The following ZNF469 variants were observed in gnomAD, a reference collection of about 807,000 sequenced individuals.
ZNF469 encodes the protein zinc finger protein 469.
In ZNF469, 1 loss-of-function variant was observed where a neutral mutation model predicts 1.0. The ratio of observed to expected loss-of-function variants is 1.00; its 90% CI spans 0.35 to 4.73. ZNF469 has a LOEUF of 4.73. ZNF469 is among the 30% of genes most tolerant of loss of function. The pLI is 0.16. For synonymous variants in ZNF469, 2,703 were observed against 2,363.4 expected (o/e 1.14, Z -4.17); for missense variants, 6,100 against 5,356.3 (o/e 1.14, Z -4.33).
the ZNF469 span, among the ~76,000 whole-genome samples, chr16:88,233,801 C>T: frequency 5.3e-4 from 80 of 152,368 alleles, no homozygotes; most frequent in African/African-American, 1.9e-3. Context: ...CCATGAGTGC[C>T]TCCTGTGCGC....
the ZNF469 span, chr16:88,179,024 C>T: frequency 6.6e-6 from 1 of 152,304 alleles, no homozygotes; most frequent in Non-Finnish European, 1.5e-5. Context: ...CCCGTCCTCC[C>T]TGCACCCCCA....
chr16:88,377,517 G>C, the ZNF469 span, among the ~76,000 whole-genome samples: 2 of 152,210 alleles, frequency 1.3e-5, no homozygotes, highest in Non-Finnish European at 2.9e-5. Flanking sequence ...CAGATGATGG[G>C]GCAGAAACGC....
At chr16:88,310,570 T>C in the ZNF469 span, among the ~76,000 whole-genome samples, 1 of 151,884 alleles carries the variant, frequency 6.6e-6, no homozygotes, top group African/African-American at 2.4e-5. Flanking sequence ...TTTATTTTTT[T>C]TTTTTTATTA....
the ZNF469 span, among the ~76,000 whole-genome samples, chr16:88,145,944 G>A: frequency 2.6e-5 from 4 of 152,266 alleles, no homozygotes; most frequent in African/African-American, 9.6e-5. Flanking sequence ...AAGTGGCCGA[G>A]AAGCTGGAAT....
At chr16:88,256,429 C>G in the ZNF469 span, among the ~76,000 whole-genome samples, 1 of 152,224 alleles carries the variant, frequency 6.6e-6, no homozygotes, top group Non-Finnish European at 1.5e-5. Flanking sequence ...TCTGGATGGA[C>G]CATAGTTTAT....
At chr16:88,188,343 C>T in the ZNF469 span, among the ~76,000 whole-genome samples, 1 of 152,200 alleles carries the variant, frequency 6.6e-6, no homozygotes, top group African/African-American at 2.4e-5. Flanking sequence ...GGACCATCTG[C>T]TGTCTCCTTA....
At chr16:88,171,277 G>T in the ZNF469 span, among the ~76,000 whole-genome samples, 3,778 of 152,306 alleles carry the variant, frequency 0.025, 150 homozygotes, top group African/African-American at 0.087. Flanking sequence ...GGTAGTGGTG[G>T]CCCATCTGCC....
At chr16:88,377,475 A>G in the ZNF469 span, among the ~76,000 whole-genome samples, 1 of 152,052 alleles carries the variant, frequency 6.6e-6, no homozygotes, top group African/African-American at 2.4e-5. Flanking sequence ...ACCCCTGTCC[A>G]CCCCAGCTTT....
chr16:88,166,066 A>T, the ZNF469 span, among the ~76,000 whole-genome samples: 1 of 152,330 alleles, frequency 6.6e-6, no homozygotes, highest in South Asian at 2.1e-4. This position sits in a 1 kb window ranked among gnomAD's most constrained non-coding sequence, Gnocchi z 4.5. Context: ...GAGGAGGCCG[A>T]CCCTTGTCCC....
the ZNF469 span, among the ~76,000 whole-genome samples, chr16:88,166,320 A>G: frequency 1.3e-5 from 2 of 152,042 alleles, no homozygotes. The surrounding 1 kb of genome is among the most constrained non-coding windows in gnomAD (Gnocchi z 4.5). Context: ...TTATTTTTGG[A>G]TCCATTTCAG....
the ZNF469 span, among the ~76,000 whole-genome samples, chr16:88,143,872 C>T: frequency 6.6e-5 from 10 of 152,152 alleles, no homozygotes; most frequent in Admixed American, 6.5e-5. Context: ...CGGCCAGCGG[C>T]ACCAGACCAA....
the ZNF469 span, among the ~76,000 whole-genome samples, chr16:88,304,824 A>G: frequency 6.6e-6 from 1 of 152,220 alleles, no homozygotes; most frequent in African/African-American, 2.4e-5. Flanking sequence ...GTAATAACAC[A>G]TTGTTCACCA....
chr16:88,101,805 T>G, the ZNF469 span, among the ~76,000 whole-genome samples: 252 of 152,230 alleles, frequency 1.7e-3, no homozygotes, highest in African/African-American at 5.7e-3. Flanking sequence ...GGGCCATGAA[T>G]GAAAGTGACA....
At chr16:88,360,868 T>C in the ZNF469 span, among the ~76,000 whole-genome samples, 9 of 152,302 alleles carry the variant, frequency 5.9e-5, no homozygotes, top group East Asian at 1.7e-3. Context: ...TCCCAACCTT[T>C]TTAGCCTCAG....
the ZNF469 span, among the ~76,000 whole-genome samples, chr16:88,287,164 G>A: frequency 1.3e-5 from 2 of 152,168 alleles, no homozygotes; most frequent in Non-Finnish European, 2.9e-5. Context: ...TTTCTAAGGT[G>A]CACCTTGGTT....
At chr16:88,147,156 G>A in the ZNF469 span, among the ~76,000 whole-genome samples, 1 of 152,090 alleles carries the variant, frequency 6.6e-6, no homozygotes, top group Non-Finnish European at 1.5e-5. Context: ...AGAAGGACGA[G>A]GCCACGGAGA....
chr16:88,352,247 C>T, the ZNF469 span, among the ~76,000 whole-genome samples: 133 of 152,308 alleles, frequency 8.7e-4, 1 homozygote, highest in African/African-American at 3.0e-3. Context: ...AAACTGCCAC[C>T]GAACTGTGCC....
the ZNF469 span, among the ~76,000 whole-genome samples, chr16:88,373,391 T>A: frequency 6.6e-6 from 1 of 152,060 alleles, no homozygotes; most frequent in Non-Finnish European, 1.5e-5. Flanking sequence ...CATCTCAGGA[T>A]GGGGTGTTGA....
the ZNF469 span, among the ~76,000 whole-genome samples, chr16:88,326,130 C>T: frequency 2.6e-5 from 4 of 152,222 alleles, no homozygotes; most frequent in Non-Finnish European, 5.9e-5. Context: ...TTGGCTGTGT[C>T]CCCACCCAAA....
Sources: gnomAD v4.1 joint callset for allele counts (sites outside exome capture counted in the v4.1 genomes callset) on GRCh38, gnomAD v4.1.1 for gene constraint, Gnocchi (gnomAD v3.1) non-coding constraint, MANE v1.5 for transcripts, NCBI Gene and HGNC (gene_info 2026-07-23, HGNC 2026-07-21) for gene names.